ZNF704: variants seen among roughly 807,000 people sequenced by gnomAD.
ZNF704 encodes the protein zinc finger protein 704, also known as glucocorticoid induced gene 1.
A neutral mutation model predicts 44.7 loss-of-function variants in ZNF704; 10 were observed. The observed-to-expected ratio is 0.22, with a 90% CI of 0.14 to 0.38. The LOEUF is 0.38. Ranked by LOEUF, ZNF704 falls within the 10% of genes least tolerant of loss-of-function variation. The probability of loss-of-function intolerance (pLI) is 1.00; values close to 1 mark genes in which losing one functional copy is unlikely to be tolerated. For missense variants in ZNF704, 390 were observed against 545.5 expected (o/e 0.71, Z 2.84); for synonymous variants, 211 against 207.6 (o/e 1.02, Z -0.14).
chr8:80,769,837 C>CA (rs1410763006), intron 2 of ZNF704, among the ~76,000 whole-genome samples: 1 of 152,098 alleles, frequency 6.6e-6, no homozygotes, highest in Non-Finnish European at 1.5e-5. Context: ...AGCAGTGCCC[C>CA]ACTCTACTGG....
intron 2 of ZNF704, among the ~76,000 whole-genome samples, chr8:80,784,087 T>C (rs907939542): frequency 2.0e-5 from 3 of 152,220 alleles, no homozygotes; most frequent in Non-Finnish European, 4.4e-5. Flanking sequence ...TCCATATGTC[T>C]TTTTGTGGCT....
intron 2 of ZNF704, among the ~76,000 whole-genome samples, chr8:80,759,819 G>A (rs1252453549): frequency 6.6e-6 from 1 of 151,844 alleles, no homozygotes; most frequent in Non-Finnish European, 1.5e-5. Flanking sequence ...GCAGTGGTCT[G>A]ATCATGGCTT....
Position 80,633,683 on chromosome 8 carries a change from A to G in ZNF704, c.*7683T>C, listed in dbSNP as rs1817621686. On this transcript the variant is annotated 3_prime_UTR_variant, in exon 9 of 9. Coordinates refer to ENST00000327835, the MANE Select transcript of ZNF704 (RefSeq NM_001033723.3). The stretch of plus-strand genomic sequence containing the variant: ...TTGGAGGTGGGTAATGTTGATTTTA[A>G]ATATTCCTATTCTACACTGGGTTCT... 6.6e-6 allele frequency: 1 copy of G among 152,192 alleles called. No homozygotes were observed. Among genetic ancestry groups the G allele is most frequent in the South Asian group, 2.1e-4 (1 of 4,828 alleles). The allele number at this position is 152,192 out of a possible 1,614,324, so 9.4% of individuals were successfully genotyped here. A position where few individuals can be genotyped will look rare whatever the true frequency, so the allele number is the denominator to read the frequency against.
chr8:80,787,717 C>A (rs1206171202), intron 2 of ZNF704, among the ~76,000 whole-genome samples: 2 of 152,154 alleles, frequency 1.3e-5, no homozygotes, highest in Admixed American at 1.3e-4. Flanking sequence ...TCCACTCTCC[C>A]TCCTTCCTAC....
At chr8:80,771,229 T>C (rs1486279791) in intron 2 of ZNF704, among the ~76,000 whole-genome samples, 2 of 152,218 alleles carry the variant, frequency 1.3e-5, no homozygotes, top group Non-Finnish European at 2.9e-5. Flanking sequence ...ACCTTCTCTG[T>C]ATCTACAAAA....
chr8:80,792,479 C>T (rs1036330288), intron 2 of ZNF704, among the ~76,000 whole-genome samples: 3 of 152,160 alleles, frequency 2.0e-5, no homozygotes, highest in African/African-American at 7.2e-5. Flanking sequence ...ATAATCCCTT[C>T]CCCTTGAGTG....
chr8:80,863,045 C>T (rs1050458859), intron 1 of ZNF704, among the ~76,000 whole-genome samples: 3 of 151,846 alleles, frequency 2.0e-5, no homozygotes, highest in African/African-American at 7.3e-5. Context: ...ATTTCCCCCC[C>T]TTTTCTGATA....
At chr8:80,835,588 G>A (rs1808545409) in intron 1 of ZNF704, among the ~76,000 whole-genome samples, 1 of 152,180 alleles carries the variant, frequency 6.6e-6, no homozygotes, top group Non-Finnish European at 1.5e-5. Context: ...ACAAGATAGG[G>A]TGAACATAGA....
chr8:80,650,066 C>T (rs893809144), intron 7 of ZNF704, among the ~76,000 whole-genome samples: 11 of 152,212 alleles, frequency 7.2e-5, no homozygotes, highest in Non-Finnish European at 1.0e-4. Flanking sequence ...CTGGAGTGGA[C>T]CGCCAGCAAA....
chr8:80,840,483 T>C (rs934934352), intron 1 of ZNF704, among the ~76,000 whole-genome samples: 1 of 152,190 alleles, frequency 6.6e-6, no homozygotes, highest in South Asian at 2.1e-4. Context: ...ACAATAATAG[T>C]AGTAACAATC....
chr8:80,826,832 T>C (rs2129909838), intron 1 of ZNF704, among the ~76,000 whole-genome samples: 1 of 152,314 alleles, frequency 6.6e-6, no homozygotes, highest in African/African-American at 2.4e-5. Context: ...ACCACATGAT[T>C]ATCTCAATAG....
At chr8:80,879,435 T>A (rs912671141), upstream of ZNF704, among the ~76,000 whole-genome samples, 5 of 152,078 alleles carry the variant, frequency 3.3e-5, no homozygotes, top group Admixed American at 3.3e-4. Context: ...GTATTTTTAG[T>A]AGAAGCAGGG....
intron 2 of ZNF704, among the ~76,000 whole-genome samples, chr8:80,793,486 AATT>A (rs563991651): frequency 2.2e-4 from 34 of 152,196 alleles, no homozygotes; most frequent in Admixed American, 6.5e-4. Flanking sequence ...ATAATATATT[AATT>A]ATTATATTAA....
At position 80,641,318 on chromosome 8, in the gene ZNF704, CAGGG is replaced by C; in HGVS notation, c.*44_*47del. ...CTTTCCAACACCTGCAGTGGCAGGC[CAGGG>C]CAGGAGCGGCTCAGGGCCCTGAGCC... On this transcript the variant is annotated 3_prime_UTR_variant, in exon 9 of 9. Transcript: ENST00000327835. 7.8e-7 allele frequency: 1 copy of C among 1,287,902 alleles called. No individual in the cohort carries two copies. The highest frequency in any genetic ancestry group is 1.1e-6 in the Non-Finnish European group (1 of 943,160). The allele number at this position is 1,287,902 out of a possible 1,614,324, so 79.8% of individuals were successfully genotyped here.
At position 80,634,038 on chromosome 8, in the gene ZNF704, C is replaced by G. The variant is rs377388911; in HGVS notation, c.*7328G>C. ...AAGCAGTGGTAATTTTACTTGGTAA[C>G]GAAGACTCATGAGGCCGGATGGAGA... On this transcript the variant is annotated 3_prime_UTR_variant, in exon 9 of 9. Transcript: ENST00000327835. 6.6e-6 allele frequency: 1 copy of G among 152,300 alleles called. No homozygotes were observed. The highest frequency in any genetic ancestry group is 1.9e-4 in the East Asian group (1 of 5,188). The allele number at this position is 152,300 out of a possible 1,614,324, so 9.4% of individuals were successfully genotyped here. A position where few individuals can be genotyped will look rare whatever the true frequency, so the allele number is the denominator to read the frequency against.
At chr8:80,884,388 A>C in the ZNF704 span, among the ~76,000 whole-genome samples, 1 of 151,978 alleles carries the variant, frequency 6.6e-6, no homozygotes, top group East Asian at 1.9e-4. Context: ...CTCCATATAA[A>C]CCCCATTATC....
Position 80,874,126 on chromosome 8 carries a change from C to G in ZNF704, c.-22+445G>C, listed in dbSNP as rs1204953716. ...TTCCTCCTCTGCCTCCGCCGGTGGC[C>G]GCAGGGCCGGGGACTCGCGGCCGCA... is the stretch of plus-strand genomic sequence containing the variant. On this transcript the variant is annotated intron_variant, in intron 1 of 8. Transcript: ENST00000327835. The surrounding 1 kb of genome is among the most constrained non-coding windows in gnomAD (Gnocchi z 4.4). 2.7e-5 allele frequency among the ~76,000 whole-genome samples: 4 copies of G among 146,774 alleles called. No individual in the cohort carries two copies. Among genetic ancestry groups the G allele is most frequent in the Non-Finnish European group, 6.1e-5 (4 of 65,862 alleles).
chr8:80,673,640 A>G (rs1376118962), intron 4 of ZNF704, among the ~76,000 whole-genome samples: 1 of 152,202 alleles, frequency 6.6e-6, no homozygotes, highest in Non-Finnish European at 1.5e-5. Context: ...ATCAGCTATT[A>G]CTGATGGAAT....
At chr8:80,739,448 A>T (rs1327370445) in intron 2 of ZNF704, among the ~76,000 whole-genome samples, 1 of 152,140 alleles carries the variant, frequency 6.6e-6, no homozygotes. Flanking sequence ...AGCCCAAAGG[A>T]AAGGGCTAGT....
Sources: allele counts gnomAD v4.1 joint callset (sites outside exome capture counted in the v4.1 genomes callset), GRCh38; gene constraint gnomAD v4.1.1; non-coding constraint Gnocchi (gnomAD v3.1); transcripts MANE v1.5; gene names NCBI Gene and HGNC (gene_info 2026-07-23, HGNC 2026-07-21).